Variants in MAGI3 observed in about 807,000 individuals in gnomAD.
MAGI3 encodes the protein membrane-associated guanylate kinase, WW and PDZ domain-containing protein 3.
In MAGI3, 43 loss-of-function variants were observed where a neutral mutation model predicts 121.8. The observed-to-expected ratio is 0.35, with a 90% confidence interval of 0.28 to 0.46. The LOEUF is 0.46. MAGI3 is among the 20% of genes least tolerant of loss of function. The pLI is 1.00. For missense variants in MAGI3, 1,547 were observed against 1,797.3 expected (o/e 0.86, Z 2.52); for synonymous variants, 553 against 639.3 (o/e 0.86, Z 2.04).
At chr1:113,568,835 C>T (rs929669456) in intron 2 of MAGI3, among the ~76,000 whole-genome samples, 2 of 151,932 alleles carry the variant, frequency 1.3e-5, no homozygotes, top group Admixed American at 6.6e-5. Context: ...ACCTGTAGTG[C>T]TTTTTAAAAA....
At chr1:113,654,109 T>C in intron 15 of MAGI3, 91 bp downstream of exon 15, 1 of 1,026,786 alleles carries the variant, frequency 9.7e-7, no homozygotes, top group Admixed American at 2.5e-5. Context: ...GAGCTATGTA[T>C]AAAATGCCTT....
intron 1 of MAGI3, chr1:113,449,700 ATGGAGGGCCATG>A: frequency 1.2e-6 from 1 of 845,390 alleles, no homozygotes; most frequent in Non-Finnish European, 2.0e-6. Flanking sequence ...TGGTCTCAAA[ATGGAGGGCCATG>A]ATCCAAAGGA....
chr1:113,683,531 C>CA lies in MAGI3; in HGVS notation c.3964dup (p.Ser1322LysfsTer2). On this transcript the variant is annotated frameshift_variant, in exon 21 of 21. Transcript: ENST00000307546. LOFTEE classifies it low-confidence loss of function (END_TRUNC). ...GTCGAAGAATAGCAGGCTATACGGGCAGTAATGCTGAGCAGATCCCAGATG... is the reference window on the plus strand; with the variant it reads ...GTCGAAGAATAGCAGGCTATACGGGCAAGTAATGCTGAGCAGATCCCAGATG... 6.2e-7 allele frequency: 1 copy of CA among 1,613,784 alleles called. No individual in the cohort carries two copies.
At chr1:113,662,489 C>A (rs1477592525) in intron 16 of MAGI3, among the ~76,000 whole-genome samples, 1 of 152,038 alleles carries the variant, frequency 6.6e-6, no homozygotes, top group Admixed American at 6.5e-5. Context: ...TTTTGTCAGG[C>A]CTTGTTAATT....
intron 2 of MAGI3, among the ~76,000 whole-genome samples, chr1:113,564,931 C>A (rs948199126): frequency 6.6e-6 from 1 of 151,932 alleles, no homozygotes; most frequent in Non-Finnish European, 1.5e-5. Flanking sequence ...CTCACTGCAA[C>A]CTCCACCTCC....
chr1:113,429,652 G>A (rs1167966072), intron 1 of MAGI3, among the ~76,000 whole-genome samples: 1 of 152,132 alleles, frequency 6.6e-6, no homozygotes, highest in East Asian at 1.9e-4. Flanking sequence ...CTGAAGTGAA[G>A]TTACAAAGCT....
At position 113,451,629 on chromosome 1, in the gene MAGI3, A is replaced by AT. The variant is rs59185306; in HGVS notation, c.316+60290dup. On this transcript the variant is annotated intron_variant, in intron 1 of 20. Coordinates refer to ENST00000307546, the MANE Select transcript of MAGI3 (RefSeq NM_001142782.2). ...GAAATAGACATCAATTAAGGAGGGA[A>AT]TTTTTTTTTTGGAGGTGGAAATGGG... Among the ~76,000 whole-genome samples the AT allele has an allele frequency of 2.4e-3, 361 of 150,082 alleles. 2 individuals are homozygous for AT. The highest frequency in any genetic ancestry group is 8.0e-3 in the African/African-American group (330 of 41,076).
At chr1:113,468,737 T>C (rs1173481769) in intron 1 of MAGI3, among the ~76,000 whole-genome samples, 1 of 152,216 alleles carries the variant, frequency 6.6e-6, no homozygotes, top group African/African-American at 2.4e-5. Flanking sequence ...ATGAATATAT[T>C]TGGTTAAATA....
rs554657881 is a variant in MAGI3 at position 113,669,073 on chromosome 1, A to G, written c.2816-2661A>G. Among the ~76,000 whole-genome samples, 8 of 152,336 alleles carry G rather than the reference A, an allele frequency of 5.3e-5. No homozygotes were observed. In the East Asian group the frequency reaches 7.7e-4, roughly 15 times the overall value. The stretch of plus-strand genomic sequence containing the variant: ...CCGATAAATTATCTCTCTTGACCAC[A>G]TGCAAAGGTACAAGTATCTCCCAGT... On this transcript the variant is annotated intron_variant, in intron 16 of 20. Transcript: ENST00000307546.
At chr1:113,491,121 A>C (rs1656646611) in intron 1 of MAGI3, among the ~76,000 whole-genome samples, 1 of 152,230 alleles carries the variant, frequency 6.6e-6, no homozygotes, top group Non-Finnish European at 1.5e-5. Flanking sequence ...TTGATCACAT[A>C]AGTGGAAGTA....
Position 113,684,257 on chromosome 1 carries a change from C to T in MAGI3, c.*243C>T, listed in dbSNP as rs1339708659. ...CATCCACATGCTCATCTGACCCGCCCTGCTCAGGCTGCCCAGCTCGTCTTC... is the reference window on the plus strand; with the variant it reads ...CATCCACATGCTCATCTGACCCGCCTTGCTCAGGCTGCCCAGCTCGTCTTC... On this transcript the variant is annotated 3_prime_UTR_variant, in exon 21 of 21. Coordinates refer to ENST00000307546, the MANE Select transcript of MAGI3 (RefSeq NM_001142782.2). 2.9e-6 allele frequency: 1 copy of T among 347,944 alleles called. No individual in the cohort carries two copies. The highest frequency in any genetic ancestry group is 2.1e-5 in the African/African-American group (1 of 47,480). The allele number at this position is 347,944 out of a possible 1,614,324, so 21.6% of individuals were successfully genotyped here. A position where few individuals can be genotyped will look rare whatever the true frequency, so the allele number is the denominator to read the frequency against.
chr1:113,423,397 G>C (rs1394943186), intron 1 of MAGI3, among the ~76,000 whole-genome samples: 3 of 151,780 alleles, frequency 2.0e-5, no homozygotes, highest in Non-Finnish European at 4.4e-5. Context: ...TCAGCCTCTC[G>C]AGTAGCTGGG....
intron 6 of MAGI3, among the ~76,000 whole-genome samples, chr1:113,597,543 A>G (rs1257068590): frequency 6.6e-6 from 1 of 152,236 alleles, no homozygotes; most frequent in East Asian, 1.9e-4. Context: ...AGAAGAGTCA[A>G]GAAGAACATG....
Position 113,683,013 on chromosome 1 carries a change from G to A in MAGI3, c.3445G>A (p.Glu1149Lys), listed in dbSNP as rs538666966. 5.0e-6 allele frequency: 8 copies of A among 1,613,898 alleles called. No homozygotes were observed. The South Asian group carries it at 8.8e-5, about 18-fold the overall frequency. The change falls in exon 21 of 21, where the codon GAA becomes AAA. Residue 1149 changes from glutamate (E) to lysine (K), a missense_variant. Coordinates refer to ENST00000307546, the MANE Select transcript of MAGI3 (RefSeq NM_001142782.2). ...TGAAGAGTCTCACGTGCCAGTAATT[G>A]AAGAATCTTTGAGAGTTCAGATATG... is the stretch of plus-strand genomic sequence containing the variant. The part of the protein sequence containing the change: ...IFEESHVPVI[E>K]ESLRVQICEK...
chr1:113,544,606 C>T (rs887391302), intron 1 of MAGI3, among the ~76,000 whole-genome samples: 1 of 152,190 alleles, frequency 6.6e-6, no homozygotes, highest in African/African-American at 2.4e-5. Flanking sequence ...ATAATCATCA[C>T]ACAGTTATAC....
chr1:113,534,073 A>C (rs1298055836), intron 1 of MAGI3, among the ~76,000 whole-genome samples: 1 of 152,028 alleles, frequency 6.6e-6, no homozygotes, highest in African/African-American at 2.4e-5. Flanking sequence ...CGTCTCAGCT[A>C]ATTTCTTATG....
intron 1 of MAGI3, among the ~76,000 whole-genome samples, chr1:113,508,358 A>AT (rs953869605): frequency 6.6e-6 from 1 of 152,160 alleles, no homozygotes; most frequent in African/African-American, 2.4e-5. Flanking sequence ...CCGTACAGAG[A>AT]TTTTAATTCC....
intron 2 of MAGI3, among the ~76,000 whole-genome samples, chr1:113,550,445 G>A (rs562197238): frequency 6.6e-6 from 1 of 151,368 alleles, no homozygotes; most frequent in Non-Finnish European, 1.5e-5. Context: ...TAGAAAAACT[G>A]GAAGATTCTA....
chr1:113,558,020 C>T (rs1470212879), intron 2 of MAGI3, among the ~76,000 whole-genome samples: 1 of 152,094 alleles, frequency 6.6e-6, no homozygotes, highest in Non-Finnish European at 1.5e-5. Context: ...AAACAGAAAA[C>T]AGCAACGAAG....
Sources: allele counts gnomAD v4.1 joint callset (sites outside exome capture counted in the v4.1 genomes callset), GRCh38; gene constraint gnomAD v4.1.1; transcripts MANE v1.5; gene names NCBI Gene and HGNC (gene_info 2026-07-23, HGNC 2026-07-21).